The following ATP9B variants were observed in gnomAD, a reference collection of about 807,000 sequenced individuals.
ATP9B encodes probable phospholipid-transporting ATPase IIB.
In ATP9B, 110 loss-of-function variants were observed where a neutral mutation model predicts 146.1. The ratio of observed to expected loss-of-function variants is 0.75; its 90% CI spans 0.65 to 0.88. The LOEUF (loss-of-function observed/expected upper bound fraction) is 0.88, where lower values mean the gene tolerates loss of function less well. ATP9B is among the 40% of genes least tolerant of loss of function. The probability of loss-of-function intolerance (pLI) is 0.00; values close to 1 mark genes in which losing one functional copy is unlikely to be tolerated. For synonymous variants in ATP9B, 604 were observed against 569.7 expected (o/e 1.06, Z -0.86); for missense variants, 1,499 against 1,496.4 (o/e 1.00, Z -0.03).
At chr18:79,177,632 T>C (rs929658211) in intron 8 of ATP9B, among the ~76,000 whole-genome samples, 1 of 152,246 alleles carries the variant, frequency 6.6e-6, no homozygotes, top group African/African-American at 2.4e-5. Context: ...TACATGCTCG[T>C]GTGTGTAGAA....
intron 11 of ATP9B, among the ~76,000 whole-genome samples, chr18:79,233,723 T>C (rs1463781308): frequency 6.6e-6 from 1 of 152,180 alleles, no homozygotes; most frequent in Non-Finnish European, 1.5e-5. Context: ...CTGACCCCTG[T>C]GCAGTCAACA....
chr18:79,354,211 GT>G (rs1442455442), intron 25 of ATP9B: 2 of 152,104 alleles, frequency 1.3e-5, no homozygotes, highest in African/African-American at 4.8e-5. Context: ...CTGCCACGGG[GT>G]AACTTTCCCA....
chr18:79,155,057 G>A (rs553597731), intron 7 of ATP9B, among the ~76,000 whole-genome samples: 24 of 152,260 alleles, frequency 1.6e-4, no homozygotes, highest in African/African-American at 4.6e-4. Flanking sequence ...AAATTTGATG[G>A]CTATTTTGCA....
At chr18:79,365,349 A>G (rs1466916432) in intron 26 of ATP9B, among the ~76,000 whole-genome samples, 1 of 152,128 alleles carries the variant, frequency 6.6e-6, no homozygotes, top group Non-Finnish European at 1.5e-5. Flanking sequence ...AATACCAGCA[A>G]CGTGAAAGGC....
intron 9 of ATP9B, among the ~76,000 whole-genome samples, chr18:79,200,303 C>T (rs2095456721): frequency 6.6e-6 from 1 of 152,136 alleles, no homozygotes; most frequent in African/African-American, 2.4e-5. Context: ...ACGATTGTAC[C>T]TGAAGCAGAA....
Position 79,327,764 on chromosome 18 carries a change from CTGTGGTTAA to C in ATP9B, c.1774-1376_1774-1368del, listed in dbSNP as rs2096764030. Among the ~76,000 whole-genome samples, 3 of 133,334 alleles carry C rather than the reference CTGTGGTTAA, an allele frequency of 2.2e-5. 1 individual carries two copies. The highest frequency in any genetic ancestry group is 4.7e-5 in the Non-Finnish European group (3 of 63,544). 87.5% of individuals were successfully genotyped at this position (133,334 alleles called of 152,430 possible). ...GTGCTCTCCGTGGTTAGCGTGCTCT[CTGTGGTTAA>C]CGTGCTCTCCGTGGTTAGCGTGCTC... is the stretch of plus-strand genomic sequence containing the variant. On this transcript the variant is annotated intron_variant, in intron 15 of 29. Coordinates refer to ENST00000426216, the MANE Select transcript of ATP9B (RefSeq NM_198531.5).
chr18:79,115,471 TA>T, intron 4 of ATP9B: 1 of 139,098 alleles, frequency 7.2e-6, no homozygotes, highest in South Asian at 2.2e-4. Flanking sequence ...AAATCAATCC[TA>T]AGCCAAAAGA....
chr18:79,375,571 T>C (rs1437511787), intron 29 of ATP9B, 145 bp downstream of exon 29: 11 of 1,476,584 alleles, frequency 7.4e-6, no homozygotes, highest in Non-Finnish European at 9.0e-6. Flanking sequence ...CTGGTGGCCA[T>C]GTGCTTGCTC....
intron 15 of ATP9B, among the ~76,000 whole-genome samples, chr18:79,324,343 C>T (rs1472926050): frequency 6.6e-6 from 1 of 152,044 alleles, no homozygotes; most frequent in East Asian, 1.9e-4. Flanking sequence ...GCTTTGGTTG[C>T]CTGTGCTTTT....
In ATP9B at chr18:79,323,369, G is replaced by A. The variant is rs139824408; in HGVS notation, c.1774-5772G>A. Among the ~76,000 whole-genome samples the A allele has an allele frequency of 3.1e-3, 466 of 152,286 alleles. 1 individual carries two copies. Among genetic ancestry groups the A allele is most frequent in the Middle Eastern group, 0.01 (3 of 294 alleles). Reference sequence around the variant, plus strand: ...AGGTCACCCTATCATGCTACTGAGCGCTGGATCTTATTCCTTCTATCCGAC... The same window carrying A: ...AGGTCACCCTATCATGCTACTGAGCACTGGATCTTATTCCTTCTATCCGAC... On this transcript the variant is annotated intron_variant, in intron 15 of 29. Coordinates refer to ENST00000426216, the MANE Select transcript of ATP9B (RefSeq NM_198531.5).
chr18:79,373,009 C>T (rs1600491255), intron 27 of ATP9B, 127 bp downstream of exon 27: 1 of 610,162 alleles, frequency 1.6e-6, no homozygotes, highest in Non-Finnish European at 2.9e-6. Context: ...TAAATACTCC[C>T]TTCTGTTTAT....
At chr18:79,272,433 A>C (rs757022352) in intron 12 of ATP9B, among the ~76,000 whole-genome samples, 8 of 151,844 alleles carry the variant, frequency 5.3e-5, no homozygotes, top group Non-Finnish European at 1.2e-4. Context: ...TCCTGCACGG[A>C]TACGCTCCTG....
At position 79,179,356 on chromosome 18, in the gene ATP9B, G is replaced by A. The variant is rs562616064; in HGVS notation, c.873+2449G>A. Among the ~76,000 whole-genome samples, 169 of 151,874 alleles carry A rather than the reference G, an allele frequency of 1.1e-3. 1 individual carries two copies. Among genetic ancestry groups the A allele is most frequent in the Non-Finnish European group, 2.1e-3 (140 of 67,928 alleles). ...TTTTTGTTTCTTCCTCCTTAAGGTGGAAGTTAGACCTTTGATTTTATAACT... is the reference window on the plus strand; with the variant it reads ...TTTTTGTTTCTTCCTCCTTAAGGTGAAAGTTAGACCTTTGATTTTATAACT... On this transcript the variant is annotated intron_variant, in intron 8 of 29. Coordinates refer to ENST00000426216, the MANE Select transcript of ATP9B (RefSeq NM_198531.5).
intron 5 of ATP9B, among the ~76,000 whole-genome samples, chr18:79,138,074 G>A (rs1288856491): frequency 1.3e-5 from 2 of 152,176 alleles, no homozygotes; most frequent in Non-Finnish European, 2.9e-5. Flanking sequence ...TCATCCATTT[G>A]AATTCGCTTC....
At chr18:79,223,926 A>G (rs1044139141) in intron 11 of ATP9B, among the ~76,000 whole-genome samples, 2 of 152,236 alleles carry the variant, frequency 1.3e-5, no homozygotes, top group Non-Finnish European at 2.9e-5. Context: ...AATTCCTTTT[A>G]AATATGAATT....
intron 13 of ATP9B, among the ~76,000 whole-genome samples, chr18:79,282,070 TAGGG>T (rs1217251221): frequency 1.3e-5 from 2 of 152,034 alleles, no homozygotes; most frequent in African/African-American, 4.8e-5. Flanking sequence ...GTGGTGAAAA[TAGGG>T]AGGGAATTAG....
intron 11 of ATP9B, among the ~76,000 whole-genome samples, chr18:79,245,806 G>GCACCACCC (rs2095947358): frequency 1.3e-5 from 2 of 149,180 alleles, no homozygotes; most frequent in African/African-American, 2.5e-5. Context: ...ACTGAGGAGG[G>GCACCACCC]TACCACCCTA....
At chr18:79,350,164 A>T (rs1417672590) in intron 25 of ATP9B, among the ~76,000 whole-genome samples, 1 of 151,938 alleles carries the variant, frequency 6.6e-6, no homozygotes, top group Non-Finnish European at 1.5e-5. Context: ...CCTGCTTCGG[A>T]CTCCACGTCC....
At position 79,239,378 on chromosome 18, in the gene ATP9B, T is replaced by C. The variant is rs2144660332; in HGVS notation, c.1108-14003T>C. ...AACCAAATTAAATGATGGTGTTTCTTGCAGACACTGTGAGCCCACCCATGG... is the reference window on the plus strand; with the variant it reads ...AACCAAATTAAATGATGGTGTTTCTCGCAGACACTGTGAGCCCACCCATGG... On this transcript the variant is annotated intron_variant, in intron 11 of 29. Coordinates refer to ENST00000426216, the MANE Select transcript of ATP9B (RefSeq NM_198531.5). This position sits in a 1 kb window ranked among gnomAD's most constrained non-coding sequence, Gnocchi z 5.1. Among the ~76,000 whole-genome samples, 1 of 152,310 alleles carries C rather than the reference T, an allele frequency of 6.6e-6. No individual in the cohort carries two copies. The highest frequency in any genetic ancestry group is 2.4e-5 in the African/African-American group (1 of 41,574).
Sources: allele counts gnomAD v4.1 joint callset (sites outside exome capture counted in the v4.1 genomes callset), GRCh38; gene constraint gnomAD v4.1.1; non-coding constraint Gnocchi (gnomAD v3.1); transcripts MANE v1.5; gene names NCBI Gene and HGNC (gene_info 2026-07-23, HGNC 2026-07-21).